FANK1: variants seen among roughly 807,000 people sequenced by gnomAD.
FANK1 encodes the protein fibronectin type 3 and ankyrin repeat domains protein 1.
FANK1 carries 44 observed loss-of-function variants against 45.3 expected under a neutral mutation model. The observed-to-expected ratio is 0.97, with a 90% CI of 0.76 to 1.25. The LOEUF (loss-of-function observed/expected upper bound fraction) is 1.25, where lower values mean the gene tolerates loss of function less well. Ranked by LOEUF, FANK1 falls within the 50% of genes most tolerant of loss-of-function variation. The pLI is 0.00. For synonymous variants in FANK1, 149 were observed against 152.5 expected (o/e 0.98, Z 0.17); for missense variants, 391 against 424.4 (o/e 0.92, Z 0.69).
chr10:126,001,517 C>T (rs760619955), intron 6 of FANK1, among the ~76,000 whole-genome samples: 1 of 152,196 alleles, frequency 6.6e-6, no homozygotes, highest in Non-Finnish European at 1.5e-5. Flanking sequence ...TGGGCTTGTA[C>T]TAGGGCACAG....
intron 1 of FANK1, among the ~76,000 whole-genome samples, chr10:125,953,202 C>G (rs1949365292): frequency 6.6e-6 from 1 of 152,166 alleles, no homozygotes; most frequent in Non-Finnish European, 1.5e-5. Flanking sequence ...ACCACTTGGC[C>G]CCCCTGCCAG....
rs1290554926 is a variant in FANK1 at position 125,930,379 on chromosome 10, C to G, written c.13+33724C>G. The stretch of plus-strand genomic sequence containing the variant: ...TTGAGCAGAGTCTTGCTGTGTCACC[C>G]CAGCTGGAGTGCAGTGGCATGATCA... On this transcript the variant is annotated intron_variant, in intron 1 of 10. Transcript: ENST00000368693. 3.9e-5 allele frequency among the ~76,000 whole-genome samples: 6 copies of G among 152,116 alleles called. No individual in the cohort carries two copies. The East Asian group carries it at 9.7e-4, about 25-fold the overall frequency.
chr10:125,919,182 C>A (rs1287503738), intron 1 of FANK1, among the ~76,000 whole-genome samples: 1 of 106,330 alleles, frequency 9.4e-6, no homozygotes, highest in Non-Finnish European at 2.1e-5. Context: ...TAAAATACTT[C>A]CAGGAGGTAA....
At chr10:125,932,923 GATTTTGTCGAATGC>G in intron 1 of FANK1, among the ~76,000 whole-genome samples, 1 of 152,220 alleles carries the variant, frequency 6.6e-6, no homozygotes, top group East Asian at 1.9e-4. Context: ...AGTGATGCTG[GATTTTGTCGAATGC>G]ATTTTCTGCA....
rs970220660 is a variant in FANK1, at chr10:126,009,424, T to A, written c.1024T>A (p.Ser342Thr). ...GAAAAAAAAGCAGAGGCCAAAGAAG[T>A]CTTGTGTCTGCTGATGAGAGCACCA... ...ERKKKQRPKKSCVC is the reference protein window; with the variant it reads ...ERKKKQRPKKTCVC Residue 342 changes from serine to threonine, a missense_variant, in exon 11 of 11, where the codon TCT (serine) becomes ACT (threonine). By Grantham distance (58) the Ser-to-Thr change is moderately conservative. Transcript: ENST00000368693. 1.2e-6 allele frequency: 2 copies of A among 1,614,022 alleles called. No homozygotes were observed. Among genetic ancestry groups the A allele is most frequent in the Non-Finnish European group, 1.7e-6 (2 of 1,179,998 alleles).
At chr10:125,968,518 G>A (rs1950307463) in intron 1 of FANK1, among the ~76,000 whole-genome samples, 1 of 152,102 alleles carries the variant, frequency 6.6e-6, no homozygotes, top group Non-Finnish European at 1.5e-5. Flanking sequence ...TTTTTATATA[G>A]TGAATATATT....
rs543000426 is a variant in FANK1, at chr10:125,986,686, C to T, written c.192-1865C>T. ...CTGTCTGTCATGGAAGTCCTTTATG[C>T]CATTTCTCACTTGACATCAGAGATA... is the stretch of plus-strand genomic sequence containing the variant. On this transcript the variant is annotated intron_variant, in intron 2 of 10. Transcript: ENST00000368693. Among the ~76,000 whole-genome samples, 6 of 152,298 alleles carry T rather than the reference C, an allele frequency of 3.9e-5. 1 individual carries two copies. In the South Asian group the frequency reaches 1.2e-3, roughly 32 times the overall value.
At chr10:125,925,827 A>G (rs1400228091) in intron 1 of FANK1, among the ~76,000 whole-genome samples, 1 of 151,612 alleles carries the variant, frequency 6.6e-6, no homozygotes, top group Non-Finnish European at 1.5e-5. Flanking sequence ...GTCCATTTGC[A>G]TGTATTTGTA....
chr10:125,951,294 A>T (rs993545815), intron 1 of FANK1, among the ~76,000 whole-genome samples: 1 of 152,066 alleles, frequency 6.6e-6, no homozygotes, highest in Non-Finnish European at 1.5e-5. Flanking sequence ...TAGACTGGCC[A>T]AGATCTTATA....
chr10:126,000,441 T>G (rs1252150686), intron 6 of FANK1, among the ~76,000 whole-genome samples: 1 of 152,194 alleles, frequency 6.6e-6, no homozygotes, highest in Non-Finnish European at 1.5e-5. Flanking sequence ...AATAGATCCC[T>G]ATCTACGTAA....
At position 125,911,900 on chromosome 10, in the gene FANK1, A is replaced by G. The variant is rs544031172; in HGVS notation, c.13+15245A>G. 6.6e-5 allele frequency among the ~76,000 whole-genome samples: 10 copies of G among 152,288 alleles called. No individual in the cohort carries two copies. The East Asian group carries it at 1.3e-3, about 21-fold the overall frequency. On this transcript the variant is annotated intron_variant, in intron 1 of 10. Coordinates refer to ENST00000368693, the MANE Select transcript of FANK1 (RefSeq NM_145235.5). Reference sequence around the variant, plus strand: ...ACCTTATATAGGGCGGGCTCCCTGCACAGAAGGAGGAGATGATATACTCAA... The same window carrying G: ...ACCTTATATAGGGCGGGCTCCCTGCGCAGAAGGAGGAGATGATATACTCAA...
intron 1 of FANK1, among the ~76,000 whole-genome samples, chr10:125,967,822 G>T (rs114074333): frequency 0.012 from 1,798 of 152,202 alleles, 24 homozygotes; most frequent in African/African-American, 0.04. Context: ...AAACATTTTA[G>T]CTTTTATATT....
At chr10:125,988,207 A>T (rs111535653) in intron 2 of FANK1, among the ~76,000 whole-genome samples, 2,540 of 152,326 alleles carry the variant, frequency 0.017, 75 homozygotes, top group African/African-American at 0.056. Flanking sequence ...GAAAATTACA[A>T]ATATATGATT....
intron 1 of FANK1, among the ~76,000 whole-genome samples, chr10:125,968,674 A>AT (rs995255440): frequency 9.2e-5 from 14 of 151,816 alleles, no homozygotes; most frequent in African/African-American, 2.2e-4. Flanking sequence ...GAATAATCTG[A>AT]TTTTTTTTGT....
intron 1 of FANK1, among the ~76,000 whole-genome samples, chr10:125,949,172 G>A (rs1441146898): frequency 1.3e-5 from 2 of 151,660 alleles, no homozygotes; most frequent in Non-Finnish European, 1.5e-5. Context: ...ATACTGAATG[G>A]GCAAAAACTG....
At chr10:125,991,887 A>C (rs1951968318) in intron 3 of FANK1, among the ~76,000 whole-genome samples, 1 of 152,202 alleles carries the variant, frequency 6.6e-6, no homozygotes, top group Admixed American at 6.5e-5. Context: ...AGAGAACATG[A>C]GCGATGGCTT....
At chr10:125,932,968 T>G (rs889495526) in intron 1 of FANK1, among the ~76,000 whole-genome samples, 20 of 152,194 alleles carry the variant, frequency 1.3e-4, no homozygotes, top group Non-Finnish European at 2.1e-4. Flanking sequence ...TCATGTCATT[T>G]TTTTTTAAAT....
chr10:125,984,027 G>T (rs780881877), intron 2 of FANK1, among the ~76,000 whole-genome samples: 31 of 152,194 alleles, frequency 2.0e-4, no homozygotes, highest in Non-Finnish European at 4.6e-4. Flanking sequence ...TTAAGAACTT[G>T]GTGGTGGACC....
intron 1 of FANK1, among the ~76,000 whole-genome samples, chr10:125,962,441 C>T (rs1271668384): frequency 2.6e-5 from 4 of 152,120 alleles, no homozygotes; most frequent in African/African-American, 9.7e-5. Context: ...CCTTGGACTA[C>T]AATTACACGT....
Sources: allele counts gnomAD v4.1 joint callset (sites outside exome capture counted in the v4.1 genomes callset), GRCh38; gene constraint gnomAD v4.1.1; transcripts MANE v1.5; gene names NCBI Gene and HGNC (gene_info 2026-07-23, HGNC 2026-07-21).